The following DPP9 variants were observed in gnomAD, a reference collection of about 807,000 sequenced individuals.
DPP9 encodes the protein dipeptidyl peptidase 9.
In DPP9, 50 loss-of-function variants were observed where a neutral mutation model predicts 110.7. That is an observed-to-expected ratio of 0.45 (90% confidence interval 0.36 to 0.57). The LOEUF (loss-of-function observed/expected upper bound fraction) is 0.57. DPP9 is among the 20% of genes least tolerant of loss of function. The probability of loss-of-function intolerance (pLI) is 0.00; values close to 1 mark genes in which losing one functional copy is unlikely to be tolerated. For synonymous variants in DPP9, 561 were observed against 514.4 expected, an observed-to-expected ratio of 1.09 and a Z score of -1.23; for missense variants, 1,022 against 1,217.9, an observed-to-expected ratio of 0.84 and a Z score of 2.39.
rs2091069214 is a variant in DPP9, at chr19:4,689,037, G to A, written c.1750-145C>T. On this transcript the variant is annotated intron_variant, in intron 15 of 21. Transcript: ENST00000262960. This position sits in a 1 kb window ranked among gnomAD's most constrained non-coding sequence, Gnocchi z 7.0. The stretch of plus-strand genomic sequence containing the variant: ...GTCATGAAACCTCAAAGCTCCACCC[G>A]CTGCTGCAAGGGGGGCACCACTGCC... The A allele has an allele frequency of 8.6e-6, 8 of 932,526 alleles. 1 individual carries two copies. In the South Asian group the frequency reaches 1.2e-4, roughly 14 times the overall value. 57.8% of individuals were successfully genotyped at this position (932,526 alleles called of 1,614,324 possible). A position where few individuals can be genotyped will look rare whatever the true frequency, so the allele number is the denominator to read the frequency against.
At chr19:4,703,119 G>A (rs185650158) in intron 7 of DPP9, among the ~76,000 whole-genome samples, 164 of 152,180 alleles carry the variant, frequency 1.1e-3, no homozygotes, top group Non-Finnish European at 1.9e-3. Flanking sequence ...GAGAGGCAGC[G>A]ATCAGTGACT....
chr19:4,702,529 C>A, intron 8 of DPP9, 74 bp downstream of exon 8: 1 of 1,166,722 alleles, frequency 8.6e-7, no homozygotes, highest in South Asian at 1.4e-5. Flanking sequence ...GAGTAAGGCG[C>A]AGGAAGGACA....
chr19:4,684,498 C>A lies in DPP9; in HGVS notation c.2178+165G>T. The A allele has an allele frequency of 1.4e-6, 1 of 725,760 alleles. No homozygotes were observed. The highest frequency in any genetic ancestry group is 2.7e-5 in the East Asian group (1 of 36,936). The allele number at this position is 725,760 out of a possible 1,614,324, so 45.0% of individuals were successfully genotyped here. A position where few individuals can be genotyped will look rare whatever the true frequency, so the allele number is the denominator to read the frequency against. On this transcript the variant is annotated intron_variant, in intron 18 of 21. Transcript: ENST00000262960. This position sits in a 1 kb window ranked among gnomAD's most constrained non-coding sequence, Gnocchi z 4.8. ...CAGAGCTGAGCAGCAAAGCATACAT[C>A]CCCTTTTGTTCTAAAAGGGCGCCTC... is the stretch of plus-strand genomic sequence containing the variant.
At chr19:4,722,427 C>T (rs1388822636) in intron 2 of DPP9, 72 bp downstream of exon 2, 2 of 693,538 alleles carry the variant, frequency 2.9e-6, no homozygotes, top group African/African-American at 1.8e-5. Context: ...TGTCTATATT[C>T]TAGAGCAGGC....
At chr19:4,721,755 G>T (rs1177335127) in intron 2 of DPP9, among the ~76,000 whole-genome samples, 1 of 152,198 alleles carries the variant, frequency 6.6e-6, no homozygotes, top group Non-Finnish European at 1.5e-5. Flanking sequence ...CACTCCAGGG[G>T]TGACAGAGCG....
rs2088837495 is a variant in DPP9 at position 4,676,442 on chromosome 19, C to G, written c.*122G>C. The G allele has an allele frequency of 1.2e-6, 1 of 835,000 alleles. No homozygotes were observed. The highest frequency in any genetic ancestry group is 1.5e-5 in the South Asian group (1 of 66,210). The allele number at this position is 835,000 out of a possible 1,614,324, so 51.7% of individuals were successfully genotyped here. ...GAAGGCAGCGGCTCCTCGGGGCTGG[C>G]CAGCGCTGGGCGGGACAAAGTGCCT... is the stretch of plus-strand genomic sequence containing the variant. On this transcript the variant is annotated 3_prime_UTR_variant, in exon 22 of 22. Coordinates refer to ENST00000262960, the MANE Select transcript of DPP9 (RefSeq NM_139159.5). The surrounding 1 kb of genome is among the most constrained non-coding windows in gnomAD (Gnocchi z 4.0).
chr19:4,683,508 A>G lies in DPP9; in HGVS notation c.2300T>C (p.Met767Thr), dbSNP rs766468762. The change falls in exon 19 of 22, where the codon ATG (methionine) becomes ACG (threonine). Residue 767 changes from methionine (M) to threonine (T), a missense_variant. This residue lies in a region of DPP9 where 209 missense variants were observed against 280.4 expected (regional missense o/e 0.75). Coordinates refer to ENST00000262960, the MANE Select transcript of DPP9 (RefSeq NM_139159.5). ...CACCTGGGGCTTGTGGATTAGCCCC[A>G]TGAGCGAGAGGAAGCCCCCGTAGGA... Reference protein sequence around the residue: ...GWSYGGFLSLMGLIHKPQVFK... With the variant: ...GWSYGGFLSLTGLIHKPQVFK... 1 of 1,613,238 alleles carries G rather than the reference A, an allele frequency of 6.2e-7. No individual in the cohort carries two copies. Among genetic ancestry groups the G allele is most frequent in the Non-Finnish European group, 8.5e-7 (1 of 1,179,872 alleles).
Position 4,697,638 on chromosome 19 carries a change from T to G in DPP9, c.1088A>C (p.Gln363Pro). 1 of 1,613,862 alleles carries G rather than the reference T, an allele frequency of 6.2e-7. No homozygotes were observed. Among genetic ancestry groups the G allele is most frequent in the Non-Finnish European group, 8.5e-7 (1 of 1,179,850 alleles). ...GAAGGGCTGCACCAGCTCCTTCTCC[T>G]GGGTCGAGACGATCTGAAGGGAAAC... ...TDSQGKIVST[Q>P]EKELVQPFSS... The change falls in exon 11 of 22, where the codon CAG becomes CCG. Residue 363 changes from glutamine (Q) to proline (P), a missense_variant. Gln to Pro is a moderately conservative substitution (Grantham distance 76, BLOSUM62 -1). This residue lies in a region of DPP9 where 810 missense variants were observed against 920.6 expected (regional missense o/e 0.88). Coordinates refer to ENST00000262960, the MANE Select transcript of DPP9 (RefSeq NM_139159.5).
Position 4,718,776 on chromosome 19 carries a change from C to G in DPP9, c.56+1075G>C, listed in dbSNP as rs1397524040. On this transcript the variant is annotated intron_variant, in intron 3 of 21. Coordinates refer to ENST00000262960, the MANE Select transcript of DPP9 (RefSeq NM_139159.5). This position sits in a 1 kb window ranked among gnomAD's most constrained non-coding sequence, Gnocchi z 4.3. ...GAGCCCATGGCTGGGCCAATCATAG[C>G]CCTTCACACCGTCCCCGTCTTCCCC... 1.3e-5 allele frequency among the ~76,000 whole-genome samples: 2 copies of G among 152,250 alleles called. No homozygotes were observed. The highest frequency in any genetic ancestry group is 2.9e-5 in the Non-Finnish European group (2 of 68,044).
chr19:4,711,858 A>C (rs953102395), intron 4 of DPP9, among the ~76,000 whole-genome samples: 1 of 150,820 alleles, frequency 6.6e-6, no homozygotes, highest in Admixed American at 6.6e-5. Flanking sequence ...AAGCTGTGTG[A>C]CCATCAGGCC....
rs2092482909 is a variant in DPP9, at chr19:4,704,652, G to T, written c.427-348C>A. On this transcript the variant is annotated intron_variant, in intron 5 of 21. Coordinates refer to ENST00000262960, the MANE Select transcript of DPP9 (RefSeq NM_139159.5). The surrounding 1 kb of genome is among the most constrained non-coding windows in gnomAD (Gnocchi z 6.0). ...GCTGTCCCTGCCCCACACCACCGGA[G>T]TACTCTCTCCGGGTCCCTAGTGCCA... Among the ~76,000 whole-genome samples the T allele has an allele frequency of 6.6e-6, 1 of 152,188 alleles. No individual in the cohort carries two copies. Among genetic ancestry groups the T allele is most frequent in the African/African-American group, 2.4e-5 (1 of 41,440 alleles).
Position 4,688,135 on chromosome 19 carries a change from G to T in DPP9, c.1885+622C>A, listed in dbSNP as rs576311694. ...TTTTTAATTTTTTTTTAGAGTCAGG[G>T]TCTTGCTCTGTTGCCCAGGCTGAAG... On this transcript the variant is annotated intron_variant, in intron 16 of 21. Coordinates refer to ENST00000262960, the MANE Select transcript of DPP9 (RefSeq NM_139159.5). Among the ~76,000 whole-genome samples, 22 of 133,284 alleles carry T rather than the reference G, an allele frequency of 1.7e-4. 1 individual carries two copies. In the South Asian group the frequency reaches 1.9e-3, roughly 11 times the overall value. 87.4% of individuals were successfully genotyped at this position (133,284 alleles called of 152,430 possible). A position where few individuals can be genotyped will look rare whatever the true frequency, so the allele number is the denominator to read the frequency against.
chr19:4,684,373 T>G lies in DPP9; in HGVS notation c.2178+290A>C. 7.4e-6 allele frequency: 3 copies of G among 407,958 alleles called. No homozygotes were observed. Among genetic ancestry groups the G allele is most frequent in the East Asian group, 4.5e-5 (1 of 22,018 alleles). The allele number at this position is 407,958 out of a possible 1,614,324, so 25.3% of individuals were successfully genotyped here. A position where few individuals can be genotyped will look rare whatever the true frequency, so the allele number is the denominator to read the frequency against. On this transcript the variant is annotated intron_variant, in intron 18 of 21. Transcript: ENST00000262960. The surrounding 1 kb of genome is among the most constrained non-coding windows in gnomAD (Gnocchi z 4.8). Reference sequence around the variant, plus strand: ...CTTTATAAATCCCCAGGCTGTGGGGTTTTGTTCCAGCAGTGCAAAGGGGCC... The same window carrying G: ...CTTTATAAATCCCCAGGCTGTGGGGGTTTGTTCCAGCAGTGCAAAGGGGCC...
chr19:4,703,818 G>T, intron 7 of DPP9, 68 bp downstream of exon 7: 1 of 1,503,870 alleles, frequency 6.6e-7, no homozygotes, highest in Non-Finnish European at 9.0e-7. Context: ...GGCTGTGGGG[G>T]CAATGGGGCC....
chr19:4,708,643 G>A (rs942341207), intron 4 of DPP9, among the ~76,000 whole-genome samples: 3 of 152,206 alleles, frequency 2.0e-5, no homozygotes, highest in African/African-American at 7.2e-5. Context: ...CAGGGACATA[G>A]ATGGAGCAGG....
At chr19:4,679,983 T>A (rs2089582464) in intron 20 of DPP9, 37 bp from the exon 21 acceptor site, 1 of 1,505,232 alleles carries the variant, frequency 6.6e-7, no homozygotes, top group East Asian at 2.3e-5. Context: ...AGGCCAGGGA[T>A]TGTCCGTGGG....
At chr19:4,709,231 T>G (rs2092722580) in intron 4 of DPP9, among the ~76,000 whole-genome samples, 2 of 141,534 alleles carry the variant, frequency 1.4e-5, no homozygotes, top group Non-Finnish European at 3.0e-5. Flanking sequence ...TGTTTGTTTG[T>G]TTTTTTTTTT....
At chr19:4,711,305 C>T (rs528271621) in intron 4 of DPP9, among the ~76,000 whole-genome samples, 2 of 152,096 alleles carry the variant, frequency 1.3e-5, no homozygotes, top group Non-Finnish European at 2.9e-5. Flanking sequence ...AGCAGCTCCA[C>T]GGAGATTTGA....
At chr19:4,717,314 A>T (rs1362193137) in intron 3 of DPP9, among the ~76,000 whole-genome samples, 1 of 152,116 alleles carries the variant, frequency 6.6e-6, no homozygotes, top group African/African-American at 2.4e-5. Flanking sequence ...GGCAGTGGGG[A>T]GCCACAAGCA....
Sources: allele counts gnomAD v4.1 joint callset (sites outside exome capture counted in the v4.1 genomes callset), GRCh38; gene constraint gnomAD v4.1.1; regional missense constraint gnomAD v4.1.1; non-coding constraint Gnocchi (gnomAD v3.1); transcripts MANE v1.5; gene names NCBI Gene and HGNC (gene_info 2026-07-23, HGNC 2026-07-21).